Variants in NBEAL1 observed in about 807,000 individuals in gnomAD.
NBEAL1 encodes neurobeachin like 1, also known as neurobeachin-like protein 1.
NBEAL1 carries 273 observed loss-of-function variants against 351.3 expected under a neutral mutation model. That is an observed-to-expected ratio of 0.78 (90% CI 0.70 to 0.86). The LOEUF is 0.86. Ranked by LOEUF, NBEAL1 falls within the 40% of genes least tolerant of loss-of-function variation. The pLI, the probability that NBEAL1 is intolerant of heterozygous loss-of-function variation, is 0.00. For missense variants in NBEAL1, 2,961 were observed against 3,201.3 expected, an observed-to-expected ratio of 0.92 and a Z score of 1.81; for synonymous variants, 1,050 against 1,086.4, an observed-to-expected ratio of 0.97 and a Z score of 0.66.
intron 31 of NBEAL1, among the ~76,000 whole-genome samples, chr2:203,142,051 A>G (rs974081668): frequency 7.2e-5 from 11 of 152,174 alleles, no homozygotes; most frequent in African/African-American, 2.7e-4. Flanking sequence ...AATGATTCCC[A>G]TCCCTGGGCT....
intron 10 of NBEAL1, among the ~76,000 whole-genome samples, chr2:203,096,556 C>G (rs535709696): frequency 1.4e-4 from 22 of 152,124 alleles, no homozygotes; most frequent in Non-Finnish European, 2.9e-4. Context: ...TATACTGAAA[C>G]TAAAATACTT....
chr2:203,186,205 T>A (rs1027023599), intron 44 of NBEAL1, among the ~76,000 whole-genome samples: 10 of 152,248 alleles, frequency 6.6e-5, no homozygotes, highest in Non-Finnish European at 1.2e-4. Context: ...CAACTCAGAT[T>A]TGACCCACAG....
intron 10 of NBEAL1, chr2:203,084,785 G>T: frequency 2.7e-6 from 1 of 366,080 alleles, no homozygotes; most frequent in East Asian, 4.7e-5. Flanking sequence ...TTCTTTGTAT[G>T]GGAAGAATTT....
intron 24 of NBEAL1, among the ~76,000 whole-genome samples, 159 bp downstream of exon 24, chr2:203,128,096 T>C (rs1469283372): frequency 6.6e-6 from 1 of 151,990 alleles, no homozygotes; most frequent in Non-Finnish European, 1.5e-5. Flanking sequence ...TTATCTTTTT[T>C]TTTTTTGAGA....
In NBEAL1 at chr2:203,135,952, A is replaced by G. The variant is rs1393968417; in HGVS notation, c.4089A>G (p.Arg1363=). ...CGGATCAGTGGAGTTTGGAGGATAG[A>G]CACTCTTTAGACTCAAACACACCAT... ...VSSDQWSLED[R]HSLDSNTPLF... Residue 1363 remains arginine (R), a synonymous_variant, in exon 28 of 56, where the codon AGA becomes AGG. Transcript: ENST00000683969. 6.8e-6 allele frequency: 11 copies of G among 1,614,072 alleles called. No individual in the cohort carries two copies. The highest frequency in any genetic ancestry group is 9.3e-6 in the Non-Finnish European group (11 of 1,180,016).
Position 203,167,325 on chromosome 2 carries a change from G to A in NBEAL1, c.5962G>A (p.Asp1988Asn), listed in dbSNP as rs768987423. ...RRSALEIFHVDQSNYFLNFKK... is the reference protein window; with the variant it reads ...RRSALEIFHVNQSNYFLNFKK... ...ATCAGCCCTTGAGATTTTTCATGTT[G>A]ACCAATCCAACTACTTTCTCAATTT... Residue 1988 changes from aspartate (D) to asparagine (N), a missense_variant, in exon 38 of 56, where the codon GAC becomes AAC. Transcript: ENST00000683969. 6 of 1,611,754 alleles carry A rather than the reference G, an allele frequency of 3.7e-6. No individual in the cohort carries two copies. The African/African-American group carries it at 5.3e-5, about 14-fold the overall frequency.
chr2:203,155,848 T>G (rs1051626946), intron 35 of NBEAL1, among the ~76,000 whole-genome samples: 4 of 152,188 alleles, frequency 2.6e-5, no homozygotes, highest in African/African-American at 9.6e-5. Context: ...CACCTTTAAA[T>G]GATGATGTTC....
intron 31 of NBEAL1, among the ~76,000 whole-genome samples, chr2:203,143,284 T>C (rs2063427117): frequency 6.6e-6 from 1 of 151,590 alleles, no homozygotes; most frequent in Admixed American, 6.5e-5. Context: ...TAGTATACAG[T>C]ATTTCTTTGT....
intron 6 of NBEAL1, among the ~76,000 whole-genome samples, chr2:203,065,862 A>C (rs563475420): frequency 1.1e-4 from 17 of 152,336 alleles, no homozygotes; most frequent in Admixed American, 9.8e-4. Context: ...ATGTATTAGC[A>C]TCTGCTAAAT....
At chr2:203,124,374 G>T (rs1042656130) in intron 19 of NBEAL1, among the ~76,000 whole-genome samples, 3 of 152,022 alleles carry the variant, frequency 2.0e-5, no homozygotes, top group African/African-American at 7.2e-5. Flanking sequence ...AGATATGTAG[G>T]ATGAACAAGT....
At chr2:203,068,792 C>T (rs1193682682) in intron 7 of NBEAL1, among the ~76,000 whole-genome samples, 6 of 152,128 alleles carry the variant, frequency 3.9e-5, no homozygotes, top group Non-Finnish European at 5.9e-5. Flanking sequence ...TACAGTGGTG[C>T]GATCTTGGCT....
At chr2:203,076,319 C>A (rs11675149) in intron 7 of NBEAL1, among the ~76,000 whole-genome samples, 67,884 of 151,304 alleles carry the variant, frequency 0.45, 17,472 homozygotes, top group Middle Eastern at 0.67. Flanking sequence ...CCTGTCTCTG[C>A]AAAAAAATAC....
intron 19 of NBEAL1, among the ~76,000 whole-genome samples, chr2:203,123,804 T>G (rs1247612056): frequency 6.6e-6 from 1 of 152,140 alleles, no homozygotes; most frequent in East Asian, 1.9e-4. Context: ...ATCAAAGCCG[T>G]TTTTTTGTGG....
chr2:203,213,619 A>G lies in NBEAL1; in HGVS notation c.8036A>G (p.Lys2679Arg), dbSNP rs562005532. 3.2e-5 allele frequency: 51 copies of G among 1,613,954 alleles called. No individual in the cohort carries two copies. Among genetic ancestry groups the G allele is most frequent in the Non-Finnish European group, 4.2e-5 (50 of 1,179,996 alleles). ...ATTCTTGTAGGTTTAGAAGATGGCAAATTGATTGTAGTGGGTGTTGGCAAG... is the reference window on the plus strand; with the variant it reads ...ATTCTTGTAGGTTTAGAAGATGGCAGATTGATTGTAGTGGGTGTTGGCAAG... ...SHILVGLEDGKLIVVGVGKPA... is the reference protein window; with the variant it reads ...SHILVGLEDGRLIVVGVGKPA... Residue 2679 changes from lysine (K) to arginine (R), a missense_variant, in exon 55 of 56, where the codon AAA becomes AGA. Coordinates refer to ENST00000683969, the MANE Select transcript of NBEAL1 (RefSeq NM_001378026.1).
At chr2:203,063,551 T>A (rs2061534297) in intron 6 of NBEAL1, among the ~76,000 whole-genome samples, 3 of 144,656 alleles carry the variant, frequency 2.1e-5, no homozygotes, top group Non-Finnish European at 3.1e-5. Context: ...AGAAGAGAAG[T>A]GAGAGAAGAA....
intron 2 of NBEAL1, among the ~76,000 whole-genome samples, chr2:203,025,961 C>T (rs2060849662): frequency 6.6e-6 from 1 of 152,114 alleles, no homozygotes; most frequent in African/African-American, 2.4e-5. Flanking sequence ...GACTGAGCAG[C>T]TCTCTCAGCA....
At chr2:203,047,303 C>G (rs1175065571) in intron 3 of NBEAL1, among the ~76,000 whole-genome samples, 5 of 151,590 alleles carry the variant, frequency 3.3e-5, no homozygotes, top group Non-Finnish European at 7.4e-5. Flanking sequence ...TGGCAACCAC[C>G]TGTCATGTAC....
chr2:203,101,006 T>G (rs1297087804), intron 12 of NBEAL1, among the ~76,000 whole-genome samples: 1 of 152,226 alleles, frequency 6.6e-6, no homozygotes, highest in South Asian at 2.1e-4. Flanking sequence ...TTCTGTAGGT[T>G]GTCTGTTTAC....
chr2:203,107,374 C>T, intron 12 of NBEAL1, 46 bp from the exon 13 acceptor site: 1 of 892,934 alleles, frequency 1.1e-6, no homozygotes, highest in Middle Eastern at 2.6e-4. Flanking sequence ...CCAACATATT[C>T]AGTCTTTGAA....
Sources: gnomAD v4.1 joint callset for allele counts (sites outside exome capture counted in the v4.1 genomes callset) on GRCh38, gnomAD v4.1.1 for gene constraint, MANE v1.5 for transcripts, NCBI Gene and HGNC (gene_info 2026-07-23, HGNC 2026-07-21) for gene names.